PAPOLA: variants seen among roughly 807,000 people sequenced by gnomAD.
PAPOLA encodes the protein polynucleotide adenylyltransferase alpha.
In PAPOLA, 15 loss-of-function variants were observed where a neutral mutation model predicts 100.6. The ratio of observed to expected loss-of-function variants is 0.15; its 90% CI spans 0.10 to 0.23. The LOEUF is 0.23. PAPOLA is among the 10% of genes least tolerant of loss of function. The pLI is 1.00. For synonymous variants in PAPOLA, 293 were observed against 300.0 expected (o/e 0.98, Z 0.24); for missense variants, 533 against 884.2 (o/e 0.60, Z 5.04).
chr14:96,514,931 A>C (rs1206311206), intron 1 of PAPOLA, among the ~76,000 whole-genome samples: 1 of 152,088 alleles, frequency 6.6e-6, no homozygotes, highest in Non-Finnish European at 1.5e-5. Context: ...TCCCTTTTTT[A>C]TCAGATTGTT....
At chr14:96,502,849 C>A (rs950118069) in intron 1 of PAPOLA, 1 of 424,544 alleles carries the variant, frequency 2.4e-6, no homozygotes, top group Non-Finnish European at 4.2e-6. Flanking sequence ...GGGCCTTCCC[C>A]TTCCGGAATT....
chr14:96,529,589 G>T (rs938602400), intron 6 of PAPOLA, among the ~76,000 whole-genome samples: 1 of 151,968 alleles, frequency 6.6e-6, no homozygotes, highest in Non-Finnish European at 1.5e-5. Context: ...AGGCATGGTG[G>T]CGTGTGCCTG....
chr14:96,562,128 A>G (rs1901902960), intron 20 of PAPOLA, among the ~76,000 whole-genome samples: 1 of 152,010 alleles, frequency 6.6e-6, no homozygotes, highest in Non-Finnish European at 1.5e-5. Context: ...TCCTGATGTC[A>G]TGATCTCCCC....
rs368031112 is a variant in PAPOLA at position 96,552,493 on chromosome 14, G to T, written c.1535G>T (p.Gly512Val). ...LQKKKKHSTE[G>V]VKLTALNDSS... ...TATTGTTTGCAGCATTCAACAGAAG[G>T]TGTCAAATTGACAGCTCTCAATGAC... is the stretch of plus-strand genomic sequence containing the variant. Residue 512 changes from glycine (G) to valine (V), a missense_variant, in exon 17 of 22, where the codon GGT (glycine) becomes GTT (valine). Around this residue, in one of 9 missense-constraint regions of PAPOLA, gnomAD observed 242 missense variants for 281.0 expected, o/e 0.86. Coordinates refer to ENST00000216277, the MANE Select transcript of PAPOLA (RefSeq NM_032632.5). The T allele has an allele frequency of 2.4e-5, 38 of 1,613,220 alleles. No homozygotes were observed. The highest frequency in any genetic ancestry group is 1.7e-4 in the Admixed American group (10 of 59,978).
At chr14:96,549,249 ATT>A (rs764364872) in intron 16 of PAPOLA, among the ~76,000 whole-genome samples, 19 of 140,076 alleles carry the variant, frequency 1.4e-4, no homozygotes, top group Non-Finnish European at 1.3e-4. Context: ...TGTTATTCTA[ATT>A]TTTTTTTTTT....
chr14:96,531,567 A>T lies in PAPOLA; in HGVS notation c.588A>T (p.Arg196Ser). Residue 196 changes from arginine (R) to serine (S), a missense_variant, in exon 7 of 22, where the codon AGA becomes AGT. Physicochemically the swap from Arg to Ser is moderately radical, Grantham distance 110. Coordinates refer to ENST00000216277, the MANE Select transcript of PAPOLA (RefSeq NM_032632.5). ...DDSLLKNLDI[R>S]CIRSLNGCRV... is the part of the protein sequence containing the mutation. ...GTCTGCTAAAAAATTTAGATATAAG[A>T]TGTATAAGAAGTCTTAACGGTATGA... The T allele has an allele frequency of 6.2e-7, 1 of 1,606,218 alleles. No individual in the cohort carries two copies. Among genetic ancestry groups the T allele is most frequent in the Non-Finnish European group, 8.5e-7 (1 of 1,174,662 alleles).
intron 1 of PAPOLA, among the ~76,000 whole-genome samples, chr14:96,510,629 C>T (rs1314303643): frequency 6.6e-6 from 1 of 152,252 alleles, no homozygotes; most frequent in African/African-American, 2.4e-5. Context: ...CTTTATCATA[C>T]ATACTTTATT....
chr14:96,503,579 A>G (rs548663071), intron 1 of PAPOLA, among the ~76,000 whole-genome samples: 58 of 151,544 alleles, frequency 3.8e-4, no homozygotes, highest in African/African-American at 1.1e-3. Context: ...CATTTCTTCC[A>G]TTTTTGAATA....
At chr14:96,503,362 T>C (rs1050831607) in intron 1 of PAPOLA, among the ~76,000 whole-genome samples, 2 of 152,176 alleles carry the variant, frequency 1.3e-5, no homozygotes, top group Non-Finnish European at 2.9e-5. Context: ...ACTTTTTTTT[T>C]CCTGGTTGTA....
chr14:96,536,056 G>C lies in PAPOLA; in HGVS notation c.1030+57G>C, dbSNP rs1182559170. 5 of 1,313,468 alleles carry C rather than the reference G, an allele frequency of 3.8e-6. No individual in the cohort carries two copies. In the East Asian group the frequency reaches 8.0e-5, roughly 21 times the overall value. The allele number at this position is 1,313,468 out of a possible 1,614,324, so 81.4% of individuals were successfully genotyped here. ...CAGGAAGGATTTACGTACCATTGTA[G>C]ACCCAGTAGTCAGCTGTGCAACTTA... On this transcript the variant is annotated intron_variant, in intron 11 of 21. Coordinates refer to ENST00000216277, the MANE Select transcript of PAPOLA (RefSeq NM_032632.5).
chr14:96,530,029 ATC>A (rs1898858130), intron 6 of PAPOLA, among the ~76,000 whole-genome samples: 1 of 152,190 alleles, frequency 6.6e-6, no homozygotes, highest in African/African-American at 2.4e-5. Flanking sequence ...ATATAATGGA[ATC>A]TCTTTATTGA....
At chr14:96,559,668 A>G (rs1901681101) in intron 19 of PAPOLA, among the ~76,000 whole-genome samples, 1 of 149,652 alleles carries the variant, frequency 6.7e-6, no homozygotes, top group Admixed American at 6.7e-5. Context: ...TCTGTATGGA[A>G]AATTTCAAAC....
intron 3 of PAPOLA, among the ~76,000 whole-genome samples, chr14:96,524,852 A>T (rs910710479): frequency 2.0e-5 from 3 of 152,026 alleles, no homozygotes; most frequent in Non-Finnish European, 2.9e-5. Context: ...TTGATATGAT[A>T]AAAAAAATAC....
intron 1 of PAPOLA, 35 bp downstream of exon 1, chr14:96,502,635 C>T: frequency 6.4e-7 from 1 of 1,563,020 alleles, no homozygotes; most frequent in Non-Finnish European, 8.7e-7. Flanking sequence ...TTTCGCTCGC[C>T]GGCTGGGCCT....
At position 96,525,449 on chromosome 14, in the gene PAPOLA, A is replaced by G. The variant is rs1018270513; in HGVS notation, c.331+58A>G. ...CCCTTTAGTTCTTAAAAATTATGAC[A>G]TACCCGTCTCAGTTACTTGTGTATC... is the stretch of plus-strand genomic sequence containing the variant. On this transcript the variant is annotated intron_variant, in intron 4 of 21. Transcript: ENST00000216277. 12 of 706,392 alleles carry G rather than the reference A, an allele frequency of 1.7e-5. No individual in the cohort carries two copies. The Admixed American group carries it at 3.4e-4, about 20-fold the overall frequency. 43.8% of individuals were successfully genotyped at this position (706,392 alleles called of 1,614,324 possible).
intron 9 of PAPOLA, chr14:96,533,125 A>C: frequency 1.0e-6 from 1 of 982,416 alleles, no homozygotes. Flanking sequence ...AATTAACATT[A>C]AGTGCTTCGG....
chr14:96,512,758 A>G (rs181686753), intron 1 of PAPOLA, among the ~76,000 whole-genome samples: 14 of 152,320 alleles, frequency 9.2e-5, no homozygotes, highest in Admixed American at 5.2e-4. Flanking sequence ...ACTGATGGAT[A>G]TTTAGGTGGT....
intron 13 of PAPOLA, 173 bp downstream of exon 13, chr14:96,542,469 G>A: frequency 1.8e-6 from 1 of 561,686 alleles, no homozygotes; most frequent in East Asian, 3.0e-5. Context: ...AGATCCATAT[G>A]CAACTTATTT....
At position 96,531,353 on chromosome 14, in the gene PAPOLA, C is replaced by T; in HGVS notation, c.496-122C>T. 7.2e-6 allele frequency: 5 copies of T among 697,148 alleles called. No individual in the cohort carries two copies. The South Asian group carries it at 9.7e-5, about 14-fold the overall frequency. The allele number at this position is 697,148 out of a possible 1,614,324, so 43.2% of individuals were successfully genotyped here. A position where few individuals can be genotyped will look rare whatever the true frequency, so the allele number is the denominator to read the frequency against. On this transcript the variant is annotated intron_variant, in intron 6 of 21. Transcript: ENST00000216277. ...CGCCATGTTGCCCAGGCTGGTCTTG[C>T]TCAAGTGTTCCACCTGCCTCAGCCT...
Sources: allele counts gnomAD v4.1 joint callset (sites outside exome capture counted in the v4.1 genomes callset), GRCh38; gene constraint gnomAD v4.1.1; regional missense constraint gnomAD v4.1.1; transcripts MANE v1.5; gene names NCBI Gene and HGNC (gene_info 2026-07-23, HGNC 2026-07-21).